The following FOXP1 variants were observed in gnomAD, a reference collection of about 807,000 sequenced individuals.
The protein encoded by FOXP1 is forkhead box protein P1.
In FOXP1, 15 loss-of-function variants were observed where a neutral mutation model predicts 98.2. The observed-to-expected ratio is 0.15, with a 90% CI of 0.10 to 0.24. The LOEUF is 0.24. Among genes scored for constraint, FOXP1 ranks in the 10% least tolerant of loss-of-function variants. The pLI is 1.00. For missense variants in FOXP1, 633 were observed against 848.5 expected, an observed-to-expected ratio of 0.75 and a Z score of 3.15; for synonymous variants, 371 against 314.5, an observed-to-expected ratio of 1.18 and a Z score of -1.90.
intron 3 of FOXP1, among the ~76,000 whole-genome samples, chr3:71,409,985 A>T (rs2082620174): frequency 6.6e-6 from 1 of 152,204 alleles, no homozygotes. Context: ...ACTGCACTCC[A>T]GCCTGAACAA....
At position 71,302,022 on chromosome 3, in the gene FOXP1, A is replaced by T. The variant is rs2073886239; in HGVS notation, c.-72-2142T>A. ...CTACATTTAATTTTCACTTATACAT[A>T]AAAAATGGGCAGTGGGATATAATCT... On this transcript the variant is annotated intron_variant, in intron 4 of 20. Transcript: ENST00000649528. 2.0e-5 allele frequency among the ~76,000 whole-genome samples: 3 copies of T among 152,316 alleles called. No individual in the cohort carries two copies. In the East Asian group the frequency reaches 5.8e-4, roughly 29 times the overall value.
chr3:71,336,772 T>C (rs1317125023), intron 4 of FOXP1, among the ~76,000 whole-genome samples: 1 of 152,120 alleles, frequency 6.6e-6, no homozygotes, highest in Non-Finnish European at 1.5e-5. Context: ...GACAATAAGA[T>C]ATTATATCCC....
chr3:71,026,028 C>T (rs1370648317), intron 11 of FOXP1, among the ~76,000 whole-genome samples: 2 of 152,162 alleles, frequency 1.3e-5, no homozygotes, highest in African/African-American at 4.8e-5. Context: ...CAGTCAAGGT[C>T]CCTTCCCTCT....
At chr3:71,248,352 C>G (rs527274321) in intron 5 of FOXP1, among the ~76,000 whole-genome samples, 2 of 152,160 alleles carry the variant, frequency 1.3e-5, no homozygotes, top group Non-Finnish European at 2.9e-5. Flanking sequence ...CAGCCATGCT[C>G]TCTTCCTGCT....
intron 7 of FOXP1, among the ~76,000 whole-genome samples, chr3:71,099,601 C>T (rs569971989): frequency 7.2e-5 from 11 of 152,166 alleles, no homozygotes; most frequent in Non-Finnish European, 1.6e-4. Flanking sequence ...AGTTAATCTT[C>T]ACAACTGCCT....
chr3:71,500,402 C>T (rs1311592409), intron 2 of FOXP1, among the ~76,000 whole-genome samples: 1 of 152,226 alleles, frequency 6.6e-6, no homozygotes, highest in Non-Finnish European at 1.5e-5. Flanking sequence ...TCCATTCCCC[C>T]ATCTATGTCC....
At chr3:70,989,606 TC>T (rs2040297066) in intron 13 of FOXP1, among the ~76,000 whole-genome samples, 1 of 152,180 alleles carries the variant, frequency 6.6e-6, no homozygotes, top group Non-Finnish European at 1.5e-5. Context: ...AATGTAAGTA[TC>T]CTAAGCTTTT....
intron 5 of FOXP1, among the ~76,000 whole-genome samples, chr3:71,260,657 C>T (rs1395799144): frequency 1.3e-5 from 2 of 151,760 alleles, no homozygotes; most frequent in African/African-American, 2.4e-5. Context: ...ATTCTCCTGC[C>T]CCAGCCTTCC....
chr3:71,001,955 T>C (rs1325502911), intron 12 of FOXP1, among the ~76,000 whole-genome samples: 5 of 152,224 alleles, frequency 3.3e-5, no homozygotes, highest in African/African-American at 9.6e-5. Context: ...ACTGTCATGA[T>C]ATTTAGGCCA....
At chr3:71,554,658 A>G (rs1157304364) in intron 2 of FOXP1, among the ~76,000 whole-genome samples, 1 of 152,248 alleles carries the variant, frequency 6.6e-6, no homozygotes, top group Non-Finnish European at 1.5e-5. Context: ...AAACAGTGCA[A>G]TACATTAAAA....
At chr3:71,412,909 C>T (rs1384323966) in intron 3 of FOXP1, among the ~76,000 whole-genome samples, 4 of 151,980 alleles carry the variant, frequency 2.6e-5, no homozygotes, top group South Asian at 2.1e-4. Context: ...ATAGGCTAAC[C>T]GGCTGGAGAA....
chr3:71,262,997 C>A (rs2069303754), intron 5 of FOXP1, among the ~76,000 whole-genome samples: 1 of 152,152 alleles, frequency 6.6e-6, no homozygotes, highest in Admixed American at 6.6e-5. Flanking sequence ...ATGCCCAAAG[C>A]ACCTGAGATA....
chr3:71,274,317 T>C, intron 5 of FOXP1, among the ~76,000 whole-genome samples: 1 of 152,250 alleles, frequency 6.6e-6, no homozygotes, highest in East Asian at 1.9e-4. Flanking sequence ...ACTAAGGACA[T>C]TAAGAAGAAA....
In FOXP1 at chr3:71,345,871, T is replaced by TAAAAAAAAAAAAAAAAAAAAAAAAAA. The variant is rs71120316; in HGVS notation, c.-73+13253_-73+13278dup. Among the ~76,000 whole-genome samples, 39 of 55,094 alleles carry TAAAAAAAAAAAAAAAAAAAAAAAAAA rather than the reference T, an allele frequency of 7.1e-4. 4 individuals carry two copies. The highest frequency in any genetic ancestry group is 0.014 in the Middle Eastern group (1 of 74). 36.1% of individuals were successfully genotyped at this position (55,094 alleles called of 152,430 possible). Reference sequence around the variant, plus strand: ...AGGTTTGAAATCAATAAAGTTTTTGTAAAAAAAAAAAAAAAAAAAAAAAAA... The same window carrying TAAAAAAAAAAAAAAAAAAAAAAAAAA: ...AGGTTTGAAATCAATAAAGTTTTTGTAAAAAAAAAAAAAAAAAAAAAAAAAAAAAAAAAAAAAAAAAAAAAAAAAAA... On this transcript the variant is annotated intron_variant, in intron 4 of 20. Coordinates refer to ENST00000649528, the MANE Select transcript of FOXP1 (RefSeq NM_001349338.3).
At chr3:71,512,491 T>C (rs1199962506) in intron 2 of FOXP1, among the ~76,000 whole-genome samples, 1 of 152,092 alleles carries the variant, frequency 6.6e-6, no homozygotes, top group Non-Finnish European at 1.5e-5. Flanking sequence ...ACCATATGCA[T>C]GTTCCTGAAG....
intron 2 of FOXP1, among the ~76,000 whole-genome samples, chr3:71,496,395 G>A (rs983758312): frequency 1.3e-5 from 2 of 152,192 alleles, no homozygotes; most frequent in Non-Finnish European, 2.9e-5. Flanking sequence ...AGGCTTGGGG[G>A]TGAGGAGTAG....
chr3:71,429,054 C>T (rs751736322), intron 3 of FOXP1, among the ~76,000 whole-genome samples: 3 of 152,174 alleles, frequency 2.0e-5, no homozygotes, highest in Admixed American at 6.5e-5. Context: ...TTATTACAGC[C>T]GGCAAGCACG....
intron 4 of FOXP1, among the ~76,000 whole-genome samples, chr3:71,311,237 T>A (rs1414255709): frequency 6.6e-6 from 1 of 152,126 alleles, no homozygotes. Context: ...TAGAGGCACG[T>A]GCCACCATGC....
rs561949588 is a variant in FOXP1, at chr3:71,054,581, C to T, written c.283-808G>A. On this transcript the variant is annotated intron_variant, in intron 7 of 20. Transcript: ENST00000649528. ...CAAGGTTACACAAATTGTATTCAAG[C>T]GGATACCTAATGACAATGCTATGAA... 2.6e-5 allele frequency among the ~76,000 whole-genome samples: 4 copies of T among 152,288 alleles called. No individual in the cohort carries two copies. The South Asian group carries it at 6.2e-4, about 24-fold the overall frequency.
Sources: allele counts gnomAD v4.1 joint callset (sites outside exome capture counted in the v4.1 genomes callset), GRCh38; gene constraint gnomAD v4.1.1; transcripts MANE v1.5; gene names NCBI Gene and HGNC (gene_info 2026-07-23, HGNC 2026-07-21).